Variants in GYG1 observed in about 807,000 individuals in gnomAD.
The protein encoded by GYG1 is glycogenin 1.
GYG1 carries 44 observed loss-of-function variants against 41.9 expected under a neutral mutation model. The ratio of observed to expected loss-of-function variants is 1.05; its 90% CI spans 0.83 to 1.35. The LOEUF (loss-of-function observed/expected upper bound fraction) is 1.35. Ranked by LOEUF, GYG1 falls within the 40% of genes most tolerant of loss-of-function variation. The pLI, the probability that GYG1 is intolerant of heterozygous loss-of-function variation, is 0.00. For synonymous variants in GYG1, 141 were observed against 158.1 expected, an observed-to-expected ratio of 0.89 and a Z score of 0.81; for missense variants, 429 against 418.9, an observed-to-expected ratio of 1.02 and a Z score of -0.21.
intron 5 of GYG1, among the ~76,000 whole-genome samples, chr3:149,019,469 C>T (rs1227070418): frequency 6.6e-6 from 1 of 152,180 alleles, no homozygotes; most frequent in African/African-American, 2.4e-5. Context: ...GATTTCTTGC[C>T]TTAGGGCAGA....
rs1029374249 is a variant in GYG1 at position 149,004,970 on chromosome 3, C to T, written c.482-4306C>T. On this transcript the variant is annotated intron_variant, in intron 4 of 7. Coordinates refer to ENST00000345003, the MANE Select transcript of GYG1 (RefSeq NM_004130.4). ...ATCAGCAGCTCTGACTCCTGTTTCC[C>T]AGGCTCATGCAGGTCGGATTTGGAA... is the stretch of plus-strand genomic sequence containing the variant. 3.9e-5 allele frequency among the ~76,000 whole-genome samples: 6 copies of T among 152,196 alleles called. No individual in the cohort carries two copies. In the East Asian group the frequency reaches 1.2e-3, roughly 29 times the overall value.
intron 5 of GYG1, among the ~76,000 whole-genome samples, chr3:149,010,045 C>T (rs1025310335): frequency 2.6e-5 from 4 of 152,146 alleles, no homozygotes; most frequent in Non-Finnish European, 2.9e-5. Flanking sequence ...GCTCAGTACA[C>T]GTTAGATTGT....
At chr3:148,992,123 C>CGCCCCG (rs527734249) in intron 1 of GYG1, among the ~76,000 whole-genome samples, 133 of 152,224 alleles carry the variant, frequency 8.7e-4, no homozygotes, top group African/African-American at 3.1e-3. Flanking sequence ...CTCCGCCGCC[C>CGCCCCG]GCCCCGGCCC....
At position 149,029,447 on chromosome 3, in the gene GYG1, T is replaced by C. The variant is rs1714835424; in HGVS notation, c.*2514T>C. On this transcript the variant is annotated 3_prime_UTR_variant, in exon 8 of 8. Transcript: ENST00000345003. Reference sequence around the variant, plus strand: ...GCTCCATGGTGGATGGAGCTATGGTTTATGCATAAAGTAAATGTTTGTTTA... The same window carrying C: ...GCTCCATGGTGGATGGAGCTATGGTCTATGCATAAAGTAAATGTTTGTTTA... Among the ~76,000 whole-genome samples, 1 of 152,204 alleles carries C rather than the reference T, an allele frequency of 6.6e-6. No individual in the cohort carries two copies. The highest frequency in any genetic ancestry group is 2.1e-4 in the South Asian group (1 of 4,834).
At chr3:149,003,336 G>A (rs1469050974) in intron 4 of GYG1, among the ~76,000 whole-genome samples, 1 of 151,896 alleles carries the variant, frequency 6.6e-6, no homozygotes, top group Non-Finnish European at 1.5e-5. Flanking sequence ...GGCTGGTCTT[G>A]AACTCCTGAG....
chr3:149,011,358 G>A (rs1047234926), intron 5 of GYG1, among the ~76,000 whole-genome samples: 2 of 152,192 alleles, frequency 1.3e-5, no homozygotes, highest in African/African-American at 4.8e-5. Flanking sequence ...GTCTATAATA[G>A]GACATTTGCT....
At chr3:149,014,180 AT>A (rs1713891450) in intron 5 of GYG1, among the ~76,000 whole-genome samples, 1 of 151,914 alleles carries the variant, frequency 6.6e-6, no homozygotes, top group Non-Finnish European at 1.5e-5. Context: ...GGTGATAGTG[AT>A]GCCTCTTGGG....
rs538686115 is a variant in GYG1 at position 149,027,229 on chromosome 3, GTA to G, written c.*298_*299del. 697 of 423,544 alleles carry G rather than the reference GTA, an allele frequency of 1.6e-3. 4 individuals are homozygous for G. Among genetic ancestry groups the G allele is most frequent in the African/African-American group, 0.012 (627 of 50,296 alleles). 26.2% of individuals were successfully genotyped at this position (423,544 alleles called of 1,614,324 possible). ...GGAAACTCAAGATATTAAGATGGCT[GTA>G]TCAGTTCTTAAAATCTGCAGAGCCT... On this transcript the variant is annotated 3_prime_UTR_variant, in exon 8 of 8. Coordinates refer to ENST00000345003, the MANE Select transcript of GYG1 (RefSeq NM_004130.4).
At chr3:149,017,627 G>A (rs1276564621) in intron 5 of GYG1, among the ~76,000 whole-genome samples, 1 of 102,810 alleles carries the variant, frequency 9.7e-6, no homozygotes, top group African/African-American at 3.7e-5. Context: ...ACACAGTCTC[G>A]CTCTGTCACC....
chr3:149,019,479 A>G (rs1470216692), intron 5 of GYG1, among the ~76,000 whole-genome samples: 1 of 152,212 alleles, frequency 6.6e-6, no homozygotes, highest in African/African-American at 2.4e-5. Context: ...CTTAGGGCAG[A>G]AAAAGCAGTC....
In GYG1 at chr3:149,029,604, A is replaced by ATATTT. The variant is rs1714844388; in HGVS notation, c.*2673_*2677dup. Among the ~76,000 whole-genome samples the ATATTT allele has an allele frequency of 1.3e-5, 2 of 152,260 alleles. No individual in the cohort carries two copies. Among genetic ancestry groups the ATATTT allele is most frequent in the African/African-American group, 4.8e-5 (2 of 41,482 alleles). On this transcript the variant is annotated 3_prime_UTR_variant, in exon 8 of 8. Transcript: ENST00000345003. ...AGAGCCAAACATCAAATGTGCCCTT[A>ATATTT]TATTTTTAATGAATCTCATCCAAAT...
In GYG1 at chr3:148,994,266, A is replaced by G. The variant is rs370528785; in HGVS notation, c.132A>G (p.Ser44=). 1 of 1,613,946 alleles carries G rather than the reference A, an allele frequency of 6.2e-7. No homozygotes were observed. The highest frequency in any genetic ancestry group is 8.5e-7 in the Non-Finnish European group (1 of 1,179,938). Residue 44 remains serine (S), a synonymous_variant, in exon 2 of 8, where the codon TCA becomes TCG. Coordinates refer to ENST00000345003, the MANE Select transcript of GYG1 (RefSeq NM_004130.4). ...RLVVLATPQV[S]DSMRKVLETV... The stretch of plus-strand genomic sequence containing the variant: ...TCGTGCTCGCCACCCCTCAGGTCTC[A>G]GACTCCATGAGGTGAGGACCTCGCT...
chr3:149,006,263 A>G (rs1283328652), intron 4 of GYG1, among the ~76,000 whole-genome samples: 2 of 151,826 alleles, frequency 1.3e-5, no homozygotes, highest in Non-Finnish European at 2.9e-5. Flanking sequence ...TTGTATTTTT[A>G]GTAGAGACGG....
intron 5 of GYG1, among the ~76,000 whole-genome samples, chr3:149,020,633 A>T (rs1436004813): frequency 3.3e-5 from 5 of 152,264 alleles, no homozygotes; most frequent in African/African-American, 9.6e-5. Flanking sequence ...ACTACTGCTT[A>T]GTCATTAGTA....
chr3:149,026,876 T>A lies in GYG1; in HGVS notation c.996T>A (p.Tyr332Ter). Residue 332 changes from tyrosine (Y) to a stop codon, truncating the protein, a stop_gained, in exon 8 of 8, where the codon TAT becomes TAA. Transcript: ENST00000345003. LOFTEE classifies it high-confidence loss of function. The part of the protein sequence containing the change: ...KERWEQGQAD[Y>*]MGADSFDNIK... ...GATGGGAACAGGGCCAGGCTGATTA[T>A]ATGGGAGCAGATTCCTTTGACAACA... 1 of 1,613,894 alleles carries A rather than the reference T, an allele frequency of 6.2e-7. No homozygotes were observed. Among genetic ancestry groups the A allele is most frequent in the Non-Finnish European group, 8.5e-7 (1 of 1,179,766 alleles).
In GYG1 at chr3:149,031,241, A is replaced by T. The variant is rs1345479028; in HGVS notation, c.*4308A>T. 6.6e-6 allele frequency: 1 copy of T among 152,640 alleles called. No individual in the cohort carries two copies. Among genetic ancestry groups the T allele is most frequent in the Non-Finnish European group, 1.5e-5 (1 of 68,032 alleles). The allele number at this position is 152,640 out of a possible 1,614,324, so 9.5% of individuals were successfully genotyped here. A position where few individuals can be genotyped will look rare whatever the true frequency, so the allele number is the denominator to read the frequency against. On this transcript the variant is annotated 3_prime_UTR_variant, in exon 8 of 8. Transcript: ENST00000345003. ...TACTCAAGTTCAAAATCAAATTCTGATTCTAAACACATAACAATTGTTTAC... is the reference window on the plus strand; with the variant it reads ...TACTCAAGTTCAAAATCAAATTCTGTTTCTAAACACATAACAATTGTTTAC...
In GYG1 at chr3:149,028,705, A is replaced by ATTT. The variant is rs71617496; in HGVS notation, c.*1793_*1795dup. The stretch of plus-strand genomic sequence containing the variant: ...GGTGGAAAAGCTGACATAGTTTTAA[A>ATTT]TTTTTTTTTTTTTTTTTTTTTTTCT... On this transcript the variant is annotated 3_prime_UTR_variant, in exon 8 of 8. Transcript: ENST00000345003. Among the ~76,000 whole-genome samples, 34 of 133,734 alleles carry ATTT rather than the reference A, an allele frequency of 2.5e-4. No individual in the cohort carries two copies. The highest frequency in any genetic ancestry group is 8.5e-4 in the East Asian group (4 of 4,684). The allele number at this position is 133,734 out of a possible 152,430, so 87.7% of individuals were successfully genotyped here.
At chr3:149,005,049 C>T (rs1713314267) in intron 4 of GYG1, among the ~76,000 whole-genome samples, 2 of 152,246 alleles carry the variant, frequency 1.3e-5, no homozygotes, top group South Asian at 4.1e-4. Context: ...TTCTTTACTG[C>T]ATTATGGGTA....
intron 4 of GYG1, among the ~76,000 whole-genome samples, chr3:149,007,078 T>TA (rs1713446610): frequency 6.6e-6 from 1 of 152,390 alleles, no homozygotes; most frequent in East Asian, 1.9e-4. Flanking sequence ...GCAGATTCAG[T>TA]GGCTGGAGAG....
Sources: gnomAD v4.1 joint callset for allele counts (sites outside exome capture counted in the v4.1 genomes callset) on GRCh38, gnomAD v4.1.1 for gene constraint, MANE v1.5 for transcripts, NCBI Gene and HGNC (gene_info 2026-07-23, HGNC 2026-07-21) for gene names.